Variants in MYO19 observed in about 807,000 individuals in gnomAD.
MYO19 encodes myosin XIX, also known as unconventional myosin-XIX.
In MYO19, 132 loss-of-function variants were observed where a neutral mutation model predicts 129.2. The ratio of observed to expected loss-of-function variants is 1.02; its 90% CI spans 0.89 to 1.18. The LOEUF is 1.18. Among genes scored for constraint, MYO19 ranks in the 50% most tolerant of loss-of-function variants. The probability of loss-of-function intolerance (pLI) is 0.00; values close to 1 mark genes in which losing one functional copy is unlikely to be tolerated. For synonymous variants in MYO19, 531 were observed against 477.2 expected, an observed-to-expected ratio of 1.11 and a Z score of -1.47; for missense variants, 1,210 against 1,216.7, an observed-to-expected ratio of 0.99 and a Z score of 0.08.
intron 6 of MYO19, among the ~76,000 whole-genome samples, chr17:36,522,313 G>A (rs1216635903): frequency 6.6e-6 from 1 of 150,516 alleles, no homozygotes; most frequent in Non-Finnish European, 1.5e-5. Flanking sequence ...TTCAAGACCA[G>A]CCTGGCCAAG....
intron 23 of MYO19, among the ~76,000 whole-genome samples, chr17:36,499,496 T>A (rs1401288561): frequency 7.3e-6 from 1 of 136,664 alleles, no homozygotes; most frequent in African/African-American, 2.5e-5. Context: ...TGTCTGTGCC[T>A]TTAAAAACTT....
chr17:36,523,182 CAAAA>C (rs34403651), intron 6 of MYO19, among the ~76,000 whole-genome samples: 3 of 103,440 alleles, frequency 2.9e-5, no homozygotes, highest in Admixed American at 1.0e-4. Flanking sequence ...AACCCTGTCT[CAAAA>C]AAAAAAAAAA....
At chr17:36,520,925 G>A (rs567371742) in intron 6 of MYO19, among the ~76,000 whole-genome samples, 1 of 152,246 alleles carries the variant, frequency 6.6e-6, no homozygotes, top group East Asian at 1.9e-4. Flanking sequence ...ATTTGATATT[G>A]TACTACAGTT....
intron 11 of MYO19, 45 bp from the exon 12 acceptor site, chr17:36,511,500 G>A (rs1319879332): frequency 8.5e-6 from 13 of 1,520,790 alleles, no homozygotes; most frequent in East Asian, 2.5e-5. Flanking sequence ...AGGGCGTGAC[G>A]TGGGCCTACT....
intron 6 of MYO19, among the ~76,000 whole-genome samples, chr17:36,524,817 C>T (rs2073362039): frequency 6.6e-6 from 1 of 152,194 alleles, no homozygotes; most frequent in South Asian, 2.1e-4. Flanking sequence ...GTTGGTCCTC[C>T]CTTCCCTTCC....
chr17:36,507,563 C>T, intron 15 of MYO19, 51 bp from the exon 16 acceptor site: 1 of 1,567,934 alleles, frequency 6.4e-7, no homozygotes, highest in Non-Finnish European at 8.7e-7. Context: ...GGTCTGATGT[C>T]CTGACGGGCC....
At chr17:36,497,451 ACAAACTCCTCACAACC>A in intron 25 of MYO19, among the ~76,000 whole-genome samples, 1 of 152,220 alleles carries the variant, frequency 6.6e-6, no homozygotes, top group Middle Eastern at 3.2e-3. Flanking sequence ...ATTTGAGGTA[ACAAACTCCTCACAACC>A]CAAGTTGTGA....
At chr17:36,532,766 A>G (rs2073901636) in intron 2 of MYO19, 85 bp from the exon 3 acceptor site, 1 of 602,100 alleles carries the variant, frequency 1.7e-6, no homozygotes, top group Non-Finnish European at 2.9e-6. Flanking sequence ...ACCTAGCAGA[A>G]GCAACCAAAA....
chr17:36,524,048 A>C (rs932743866), intron 6 of MYO19, among the ~76,000 whole-genome samples: 1 of 152,190 alleles, frequency 6.6e-6, no homozygotes, highest in Non-Finnish European at 1.5e-5. Flanking sequence ...TGGCTGCTCA[A>C]TAAAGGGTTA....
chr17:36,515,922 G>GCTCTCCC lies in MYO19; in HGVS notation c.476_482dup (p.Ser161ArgfsTer33). ...GTTCTATCCTCTCTGCAATCTTGTG[G>GCTCTCCC]CTCTCCCAAGATGCAGGTGAGGTGG... On this transcript the variant is annotated frameshift_variant, in exon 7 of 26. Transcript: ENST00000614623. LOFTEE classifies it high-confidence loss of function. The GCTCTCCC allele has an allele frequency of 6.2e-7, 1 of 1,613,836 alleles. No individual in the cohort carries two copies. The highest frequency in any genetic ancestry group is 8.5e-7 in the Non-Finnish European group (1 of 1,179,798).
intron 11 of MYO19, chr17:36,512,670 G>C: frequency 7.8e-7 from 1 of 1,289,168 alleles, no homozygotes; most frequent in Non-Finnish European, 1.0e-6. Context: ...GGCAGTGTCT[G>C]AGCAGCCCCC....
intron 13 of MYO19, chr17:36,509,436 A>G: frequency 2.1e-6 from 1 of 468,056 alleles, no homozygotes; most frequent in Non-Finnish European, 3.9e-6. Flanking sequence ...GCTCAGTCAC[A>G]TGGCTCGAGA....
chr17:36,529,133 C>CT (rs980784476), intron 3 of MYO19, among the ~76,000 whole-genome samples: 1 of 151,700 alleles, frequency 6.6e-6, no homozygotes, highest in African/African-American at 2.4e-5. Context: ...GGAACAGGTC[C>CT]TTTCTCCTCC....
intron 6 of MYO19, among the ~76,000 whole-genome samples, chr17:36,516,515 C>T (rs929972998): frequency 5.3e-5 from 8 of 152,084 alleles, no homozygotes; most frequent in South Asian, 2.1e-4. Context: ...GGATTACAGG[C>T]GCACGCCACC....
chr17:36,523,758 T>C (rs1200920537), intron 6 of MYO19, among the ~76,000 whole-genome samples: 1 of 152,114 alleles, frequency 6.6e-6, no homozygotes, highest in Admixed American at 6.5e-5. Flanking sequence ...TAAATCCTCA[T>C]CAAAGTAGGA....
intron 3 of MYO19, among the ~76,000 whole-genome samples, chr17:36,529,745 C>G (rs2073715091): frequency 6.6e-6 from 1 of 152,164 alleles, no homozygotes; most frequent in Admixed American, 6.5e-5. Context: ...CATTCACAAA[C>G]ACAGACACAA....
At position 36,515,247 on chromosome 17, in the gene MYO19, G is replaced by C. The variant is rs536315670; in HGVS notation, c.548-65C>G. 8.0e-5 allele frequency: 118 copies of C among 1,466,138 alleles called. No homozygotes were observed. The South Asian group carries it at 1.4e-3, about 17-fold the overall frequency. The allele number at this position is 1,466,138 out of a possible 1,614,324, so 90.8% of individuals were successfully genotyped here. On this transcript the variant is annotated intron_variant, in intron 7 of 25. Coordinates refer to ENST00000614623, the MANE Select transcript of MYO19 (RefSeq NM_001163735.2). Reference sequence around the variant, plus strand: ...TGCAGAGTCCTCATAAGCCAAGGTGGCTGCAGGTCTCTGGAGGTCATGTTC... The same window carrying C: ...TGCAGAGTCCTCATAAGCCAAGGTGCCTGCAGGTCTCTGGAGGTCATGTTC...
rs746030100 is a variant in MYO19, at chr17:36,506,988, G to C, written c.1619C>G (p.Thr540Arg). 8.7e-6 allele frequency: 14 copies of C among 1,605,658 alleles called. No homozygotes were observed. Among genetic ancestry groups the C allele is most frequent in the Non-Finnish European group, 1.2e-5 (14 of 1,173,472 alleles). ...VHYAGPVRYH[T>R]AGLVEKNKDP... ...CTTGTTCTTCTCCACCAGGCCTGCT[G>C]TGTGGTACCGCACAGGCCCCGCATA... is the stretch of plus-strand genomic sequence containing the variant. The change falls in exon 17 of 26, where the codon ACA becomes AGA. Residue 540 changes from threonine (T) to arginine (R), a missense_variant. Physicochemically the swap from Thr to Arg is moderately conservative, Grantham distance 71. Transcript: ENST00000614623.
chr17:36,542,299 T>C (rs2074201233), intron 1 of MYO19: 1 of 152,186 alleles, frequency 6.6e-6, no homozygotes, highest in Non-Finnish European at 1.5e-5. Context: ...ACTCCCTTCT[T>C]TGTTAGTACC....
Sources: gnomAD v4.1 joint callset for allele counts (sites outside exome capture counted in the v4.1 genomes callset) on GRCh38, gnomAD v4.1.1 for gene constraint, MANE v1.5 for transcripts, NCBI Gene and HGNC (gene_info 2026-07-23, HGNC 2026-07-21) for gene names.